OSBPL2: variants seen among roughly 807,000 people sequenced by gnomAD.
OSBPL2 encodes the protein oxysterol binding protein like 2.
In OSBPL2, 18 loss-of-function variants were observed where a neutral mutation model predicts 58.4. That is an observed-to-expected ratio of 0.31 (90% CI 0.21 to 0.46). The LOEUF (loss-of-function observed/expected upper bound fraction) is 0.46. Ranked by LOEUF, OSBPL2 falls within the 20% of genes least tolerant of loss-of-function variation. The probability of loss-of-function intolerance (pLI) is 1.00; values close to 1 mark genes in which losing one functional copy is unlikely to be tolerated. For missense variants in OSBPL2, 461 were observed against 616.5 expected (o/e 0.75, Z 2.67); for synonymous variants, 221 against 234.1 (o/e 0.94, Z 0.51).
At chr20:62,292,105 C>T (rs889375572) in intron 13 of OSBPL2, among the ~76,000 whole-genome samples, 1 of 152,242 alleles carries the variant, frequency 6.6e-6, no homozygotes, top group African/African-American at 2.4e-5. Flanking sequence ...GTGCAGAGTG[C>T]CTGTCACCTC....
intron 7 of OSBPL2, 66 bp downstream of exon 7, chr20:62,279,405 G>A: frequency 1.3e-6 from 2 of 1,512,850 alleles, no homozygotes; most frequent in Non-Finnish European, 1.8e-6. Context: ...CTGGTGATGT[G>A]GAGGGAAAGC....
intron 12 of OSBPL2, among the ~76,000 whole-genome samples, chr20:62,291,071 C>T (rs371339339): frequency 1.7e-4 from 26 of 152,120 alleles, no homozygotes; most frequent in East Asian, 5.8e-4. Flanking sequence ...CCATGTTGCC[C>T]GGGCTGGTTG....
chr20:62,252,131 GC>G (rs1178501387), intron 1 of OSBPL2, among the ~76,000 whole-genome samples: 1 of 151,886 alleles, frequency 6.6e-6, no homozygotes, highest in Non-Finnish European at 1.5e-5. Flanking sequence ...CGATCCACCT[GC>G]CTCAGCCTCC....
intron 11 of OSBPL2, among the ~76,000 whole-genome samples, chr20:62,287,821 GTC>G (rs902174121): frequency 2.1e-4 from 32 of 152,248 alleles, no homozygotes; most frequent in African/African-American, 7.7e-4. Flanking sequence ...TTTCAGGGAA[GTC>G]TCTTTAAAGA....
chr20:62,275,963 G>A (rs1389616117), intron 6 of OSBPL2, among the ~76,000 whole-genome samples: 2 of 151,554 alleles, frequency 1.3e-5, no homozygotes, highest in African/African-American at 4.9e-5. Flanking sequence ...AGGCTGGAGG[G>A]CAGTGGCATG....
At chr20:62,254,304 A>T (rs1980776155) in intron 1 of OSBPL2, among the ~76,000 whole-genome samples, 1 of 152,214 alleles carries the variant, frequency 6.6e-6, no homozygotes, top group South Asian at 2.1e-4. Flanking sequence ...CTACCATGGC[A>T]AGAGGAGCCC....
intron 1 of OSBPL2, among the ~76,000 whole-genome samples, chr20:62,251,941 A>G (rs1216654573): frequency 4.0e-5 from 5 of 125,712 alleles, no homozygotes; most frequent in African/African-American, 1.6e-4. Context: ...GAGTGCAGTG[A>G]TGCAACCATG....
chr20:62,254,844 G>GA lies in OSBPL2; in HGVS notation c.-128-1209dup, dbSNP rs200536270. Among the ~76,000 whole-genome samples, 1,009 of 152,350 alleles carry GA rather than the reference G, an allele frequency of 6.6e-3. 5 individuals carry two copies. The highest frequency in any genetic ancestry group is 0.023 in the African/African-American group (953 of 41,586). ...GAATATTGAGCTAAGGTCGTTGTGA[G>GA]AAAATGTAAGTTTACTTCAGTTTAT... On this transcript the variant is annotated intron_variant, in intron 1 of 13. Coordinates refer to ENST00000313733, the MANE Select transcript of OSBPL2 (RefSeq NM_144498.4).
At chr20:62,247,328 G>T (rs183521364) in intron 1 of OSBPL2, among the ~76,000 whole-genome samples, 1 of 152,232 alleles carries the variant, frequency 6.6e-6, no homozygotes, top group African/African-American at 2.4e-5. Context: ...CTGTGGTTGT[G>T]CTGGATGTGG....
Position 62,261,467 on chromosome 20 carries a change from G to T in OSBPL2, c.182+1342G>T, listed in dbSNP as rs181120926. On this transcript the variant is annotated intron_variant, in intron 3 of 13. Coordinates refer to ENST00000313733, the MANE Select transcript of OSBPL2 (RefSeq NM_144498.4). ...AGGGAGCTGCTCCAGCCTGGCCTCAGGCTCTCCTTCGAGCTGTAGGCCCAC... is the reference window on the plus strand; with the variant it reads ...AGGGAGCTGCTCCAGCCTGGCCTCATGCTCTCCTTCGAGCTGTAGGCCCAC... Among the ~76,000 whole-genome samples, 294 of 152,314 alleles carry T rather than the reference G, an allele frequency of 1.9e-3. 1 individual carries two copies. Among genetic ancestry groups the T allele is most frequent in the African/African-American group, 6.8e-3 (284 of 41,584 alleles).
chr20:62,245,813 A>G (rs1601145884), intron 1 of OSBPL2, among the ~76,000 whole-genome samples: 1 of 152,352 alleles, frequency 6.6e-6, no homozygotes, highest in East Asian at 1.9e-4. Flanking sequence ...TGAATGGCAT[A>G]TGACTTGTTT....
chr20:62,279,502 G>A, intron 7 of OSBPL2, 163 bp downstream of exon 7: 1 of 680,156 alleles, frequency 1.5e-6, no homozygotes. Context: ...TTCCTGACCA[G>A]GGTCCCGTGT....
At chr20:62,261,394 A>C (rs1981295824) in intron 3 of OSBPL2, among the ~76,000 whole-genome samples, 1 of 151,332 alleles carries the variant, frequency 6.6e-6, no homozygotes, top group African/African-American at 2.4e-5. Context: ...AGCTGGTGGC[A>C]TTGCGTTGCA....
At chr20:62,263,481 T>C in intron 3 of OSBPL2, 135 bp from the exon 4 acceptor site, 2 of 716,186 alleles carry the variant, frequency 2.8e-6, no homozygotes, top group Non-Finnish European at 4.9e-6. Context: ...CCTGTGTCCC[T>C]AGGCATGCCA....
chr20:62,287,579 C>G (rs896172015), intron 11 of OSBPL2, among the ~76,000 whole-genome samples: 1 of 152,194 alleles, frequency 6.6e-6, no homozygotes, highest in Non-Finnish European at 1.5e-5. Context: ...ACCTCAGCCT[C>G]CCTAGTAGCG....
chr20:62,241,344 C>T (rs543351469), intron 1 of OSBPL2, among the ~76,000 whole-genome samples: 2 of 152,300 alleles, frequency 1.3e-5, no homozygotes, highest in African/African-American at 2.4e-5. Flanking sequence ...AGGCGCCCGC[C>T]ACCACACCTG....
chr20:62,243,977 G>T (rs1601143529), intron 1 of OSBPL2, among the ~76,000 whole-genome samples: 1 of 152,212 alleles, frequency 6.6e-6, no homozygotes, highest in East Asian at 1.9e-4. Flanking sequence ...GGGCAGGTCT[G>T]ATGTTAGGGT....
At chr20:62,258,696 A>G (rs1981099569) in intron 2 of OSBPL2, among the ~76,000 whole-genome samples, 1 of 151,672 alleles carries the variant, frequency 6.6e-6, no homozygotes, top group African/African-American at 2.4e-5. Context: ...CCATCCATGT[A>G]GTGTTGGCTG....
intron 2 of OSBPL2, 30 bp downstream of exon 2, chr20:62,256,251 T>C (rs374027553): frequency 1.7e-5 from 28 of 1,603,956 alleles, no homozygotes; most frequent in Non-Finnish European, 2.4e-5. Context: ...ACTGGGGACG[T>C]ACTGGAAGGG....
Sources: allele counts gnomAD v4.1 joint callset (sites outside exome capture counted in the v4.1 genomes callset), GRCh38; gene constraint gnomAD v4.1.1; transcripts MANE v1.5; gene names NCBI Gene and HGNC (gene_info 2026-07-23, HGNC 2026-07-21).